MLLT3: variants seen among roughly 807,000 people sequenced by gnomAD.
MLLT3 encodes the protein protein AF-9.
A neutral mutation model predicts 53.2 loss-of-function variants in MLLT3; 4 were observed. The observed-to-expected ratio is 0.08, with a 90% CI of 0.04 to 0.17. The LOEUF (loss-of-function observed/expected upper bound fraction) is 0.17, where lower values mean the gene tolerates loss of function less well. MLLT3 is among the 10% of genes least tolerant of loss of function. The pLI is 1.00. For synonymous variants in MLLT3, 283 were observed against 230.6 expected, an observed-to-expected ratio of 1.23 and a Z score of -2.06; for missense variants, 569 against 684.0, an observed-to-expected ratio of 0.83 and a Z score of 1.87.
chr9:20,350,364 G>C (rs924408685), intron 10 of MLLT3, among the ~76,000 whole-genome samples: 1 of 152,178 alleles, frequency 6.6e-6, no homozygotes, highest in Non-Finnish European at 1.5e-5. Flanking sequence ...GGGAGGCCAA[G>C]GCGGGCGGAT....
chr9:20,598,499 G>C (rs1820333565), intron 2 of MLLT3, among the ~76,000 whole-genome samples: 1 of 152,178 alleles, frequency 6.6e-6, no homozygotes, highest in South Asian at 2.1e-4. Flanking sequence ...CAACCTGTAA[G>C]TTCTCAAAAA....
At chr9:20,533,888 G>T (rs750520367) in intron 2 of MLLT3, among the ~76,000 whole-genome samples, 3 of 152,182 alleles carry the variant, frequency 2.0e-5, no homozygotes, top group Non-Finnish European at 2.9e-5. Flanking sequence ...GGAGCTGAGA[G>T]GTGGGAGAAT....
intron 2 of MLLT3, among the ~76,000 whole-genome samples, chr9:20,614,982 C>G (rs947022176): frequency 2.0e-5 from 3 of 147,204 alleles, no homozygotes; most frequent in Non-Finnish European, 1.5e-5. Context: ...ATAGGTAGTT[C>G]TACAGAGGGG....
intron 4 of MLLT3, among the ~76,000 whole-genome samples, chr9:20,421,448 T>C (rs1261364509): frequency 6.6e-6 from 1 of 152,012 alleles, no homozygotes; most frequent in Non-Finnish European, 1.5e-5. Context: ...AGAAACCAAG[T>C]ACAAAGCTAA....
chr9:20,346,380 A>G lies in MLLT3; in HGVS notation c.*63T>C. ...ACAACAAGAACAAAAAATCACAACCAAAAAAAAAAAAAACCAAAAAAAAAA... is the reference window on the plus strand; with the variant it reads ...ACAACAAGAACAAAAAATCACAACCGAAAAAAAAAAAAACCAAAAAAAAAA... On this transcript the variant is annotated 3_prime_UTR_variant, in exon 11 of 11. Coordinates refer to ENST00000380338, the MANE Select transcript of MLLT3 (RefSeq NM_004529.4). The G allele has an allele frequency of 3.7e-6, 2 of 544,422 alleles. No homozygotes were observed. The highest frequency in any genetic ancestry group is 5.1e-6 in the Non-Finnish European group (2 of 392,596). 33.7% of individuals were successfully genotyped at this position (544,422 alleles called of 1,614,324 possible). A position where few individuals can be genotyped will look rare whatever the true frequency, so the allele number is the denominator to read the frequency against.
At chr9:20,407,345 AAG>A (rs1822606438) in intron 5 of MLLT3, among the ~76,000 whole-genome samples, 2 of 152,324 alleles carry the variant, frequency 1.3e-5, no homozygotes, top group South Asian at 4.1e-4. Flanking sequence ...ATCTAGACCC[AAG>A]AGAGTCAGTT....
chr9:20,592,661 G>A (rs74732282), intron 2 of MLLT3, among the ~76,000 whole-genome samples: 174 of 152,146 alleles, frequency 1.1e-3, no homozygotes, highest in Non-Finnish European at 1.9e-3. Context: ...CATTATAACT[G>A]GCTATAATTT....
intron 4 of MLLT3, among the ~76,000 whole-genome samples, chr9:20,415,056 T>C (rs908172389): frequency 2.0e-5 from 3 of 152,122 alleles, no homozygotes; most frequent in Admixed American, 6.5e-5. Flanking sequence ...CAGCTTCACA[T>C]AGTAAGGTCA....
At chr9:20,558,601 T>C (rs1206198048) in intron 2 of MLLT3, among the ~76,000 whole-genome samples, 1 of 152,182 alleles carries the variant, frequency 6.6e-6, no homozygotes. Context: ...TAAACTCAGC[T>C]GAGATATTTG....
chr9:20,402,232 G>C (rs976564089), intron 5 of MLLT3, among the ~76,000 whole-genome samples: 1 of 152,182 alleles, frequency 6.6e-6, no homozygotes, highest in Non-Finnish European at 1.5e-5. Context: ...GAAGGCACTA[G>C]TGAACTTTTC....
rs539665849 is a variant in MLLT3, at chr9:20,521,397, A to G, written c.194-64611T>C. The stretch of plus-strand genomic sequence containing the variant: ...AAGCTGTAAACTTTAAACCAAATCA[A>G]TTGAGAATTTGTTCCTCAAAAAAAG... On this transcript the variant is annotated intron_variant, in intron 2 of 10. Transcript: ENST00000380338. Among the ~76,000 whole-genome samples the G allele has an allele frequency of 1.5e-4, 23 of 152,136 alleles. No individual in the cohort carries two copies. In the South Asian group the frequency reaches 3.7e-3, roughly 25 times the overall value.
intron 2 of MLLT3, among the ~76,000 whole-genome samples, chr9:20,586,467 G>A (rs188988967): frequency 1.6e-4 from 24 of 151,612 alleles, no homozygotes; most frequent in Non-Finnish European, 3.1e-4. Context: ...CACTGACTTC[G>A]TACATAACCC....
chr9:20,545,584 TA>T (rs1818765702), intron 2 of MLLT3, among the ~76,000 whole-genome samples: 1 of 152,166 alleles, frequency 6.6e-6, no homozygotes, highest in African/African-American at 2.4e-5. Flanking sequence ...TTTGCCACAA[TA>T]AAAACAATTA....
intron 5 of MLLT3, among the ~76,000 whole-genome samples, chr9:20,395,911 A>G (rs537316007): frequency 4.8e-4 from 73 of 152,282 alleles, no homozygotes; most frequent in Non-Finnish European, 7.2e-4. Flanking sequence ...GAAGGAAACC[A>G]TCGGTAACAA....
intron 5 of MLLT3, among the ~76,000 whole-genome samples, chr9:20,379,455 C>T (rs569596239): frequency 1.3e-5 from 2 of 152,114 alleles, no homozygotes; most frequent in East Asian, 3.9e-4. Flanking sequence ...ACACTGGATT[C>T]ATCATCTTGA....
intron 2 of MLLT3, among the ~76,000 whole-genome samples, chr9:20,572,891 T>C (rs1819567573): frequency 6.6e-6 from 1 of 152,206 alleles, no homozygotes; most frequent in South Asian, 2.1e-4. Flanking sequence ...TTTTTATTAG[T>C]TGAAAGAAAA....
At chr9:20,452,003 C>A (rs1467345988) in intron 3 of MLLT3, among the ~76,000 whole-genome samples, 1 of 152,076 alleles carries the variant, frequency 6.6e-6, no homozygotes, top group Non-Finnish European at 1.5e-5. Context: ...ACCCTGACAG[C>A]TCAAATAAAT....
intron 10 of MLLT3, among the ~76,000 whole-genome samples, chr9:20,350,543 C>A (rs914463941): frequency 6.8e-5 from 10 of 146,926 alleles, no homozygotes; most frequent in Non-Finnish European, 1.0e-4. Flanking sequence ...TGCAGTGAGC[C>A]GAGATCCCGC....
At chr9:20,414,480 T>A in intron 4 of MLLT3, 55 bp from the exon 5 acceptor site, 2 of 1,587,446 alleles carry the variant, frequency 1.3e-6, no homozygotes, top group Non-Finnish European at 1.7e-6. Flanking sequence ...CAATGAAGAG[T>A]CAAAAGAGAT....
Sources: gnomAD v4.1 joint callset for allele counts (sites outside exome capture counted in the v4.1 genomes callset) on GRCh38, gnomAD v4.1.1 for gene constraint, MANE v1.5 for transcripts, NCBI Gene and HGNC (gene_info 2026-07-23, HGNC 2026-07-21) for gene names.